MAP2: variants seen among roughly 807,000 people sequenced by gnomAD.
MAP2 encodes the protein microtubule-associated protein 2.
In MAP2, 14 loss-of-function variants were observed where a neutral mutation model predicts 137.6. The observed-to-expected ratio is 0.10, with a 90% CI of 0.07 to 0.16. MAP2 has a LOEUF of 0.16. Ranked by LOEUF, MAP2 falls within the 10% of genes least tolerant of loss-of-function variation. The pLI, the probability that MAP2 is intolerant of heterozygous loss-of-function variation, is 1.00. For synonymous variants in MAP2, 786 were observed against 782.3 expected, an observed-to-expected ratio of 1.00 and a Z score of -0.08; for missense variants, 2,088 against 2,191.5, an observed-to-expected ratio of 0.95 and a Z score of 0.94.
intron 2 of MAP2, among the ~76,000 whole-genome samples, chr2:209,512,610 T>C (rs1437557755): frequency 6.6e-6 from 1 of 150,558 alleles, no homozygotes; most frequent in African/African-American, 2.4e-5. Flanking sequence ...CAAACACATA[T>C]ATATATAAAA....
At chr2:209,690,478 TA>T in intron 7 of MAP2, 2 of 664,518 alleles carry the variant, frequency 3.0e-6, no homozygotes, top group Non-Finnish European at 2.1e-6. Context: ...AATGGTAAAA[TA>T]AAAAAACAGC....
intron 13 of MAP2, among the ~76,000 whole-genome samples, chr2:209,724,686 A>G (rs1166631864): frequency 2.6e-5 from 4 of 152,218 alleles, no homozygotes; most frequent in Non-Finnish European, 5.9e-5. Context: ...ATTGTCATTG[A>G]AAGTTCATAG....
chr2:209,561,821 T>C (rs766389557), intron 2 of MAP2, among the ~76,000 whole-genome samples: 2 of 152,230 alleles, frequency 1.3e-5, no homozygotes, highest in Non-Finnish European at 2.9e-5. Context: ...TTTTAAAGCT[T>C]TTACAGCTCT....
At chr2:209,642,019 T>C (rs2094071189) in intron 4 of MAP2, among the ~76,000 whole-genome samples, 1 of 152,154 alleles carries the variant, frequency 6.6e-6, no homozygotes, top group Non-Finnish European at 1.5e-5. Context: ...GAACGGATGT[T>C]GGGATTTGAC....
chr2:209,578,497 AT>A (rs1003836146), intron 2 of MAP2, among the ~76,000 whole-genome samples: 1,748 of 146,752 alleles, frequency 0.012, 37 homozygotes, highest in African/African-American at 0.04. Context: ...CTGCCATCAT[AT>A]TTTTTTTTTC....
At chr2:209,464,424 C>G (rs1261835670) in intron 1 of MAP2, among the ~76,000 whole-genome samples, 1 of 152,068 alleles carries the variant, frequency 6.6e-6, no homozygotes, top group Middle Eastern at 3.2e-3. Context: ...TCAAATTATA[C>G]TACTTAATGA....
At chr2:209,567,917 C>T (rs1297010445) in intron 2 of MAP2, among the ~76,000 whole-genome samples, 1 of 151,828 alleles carries the variant, frequency 6.6e-6, no homozygotes, top group Non-Finnish European at 1.5e-5. Context: ...AACAGTACGC[C>T]CACTCTTCAT....
At chr2:209,472,996 A>G (rs911811728) in intron 1 of MAP2, among the ~76,000 whole-genome samples, 2 of 152,174 alleles carry the variant, frequency 1.3e-5, no homozygotes, top group Non-Finnish European at 2.9e-5. Context: ...GATTCTTTCA[A>G]CATCAGACCA....
In MAP2 at chr2:209,460,817, T is replaced by TG. The variant is rs527308690; in HGVS notation, c.-222+36543dup. Among the ~76,000 whole-genome samples the TG allele has an allele frequency of 4.6e-5, 7 of 152,156 alleles. No individual in the cohort carries two copies. In the South Asian group the frequency reaches 1.5e-3, roughly 32 times the overall value. On this transcript the variant is annotated intron_variant, in intron 1 of 15. Transcript: ENST00000682079. ...AGGCCAGAGTACAGTGGCATAATCTTGGCTCACTGCAACCTCTGCCTCCCG... is the reference window on the plus strand; with the variant it reads ...AGGCCAGAGTACAGTGGCATAATCTTGGGCTCACTGCAACCTCTGCCTCCCG...
chr2:209,583,163 A>ATCTATCTG (rs2076908219), intron 3 of MAP2, among the ~76,000 whole-genome samples: 1 of 151,534 alleles, frequency 6.6e-6, no homozygotes, highest in Non-Finnish European at 1.5e-5. Context: ...CTATCTATCT[A>ATCTATCTG]TCTATCTATC....
intron 1 of MAP2, among the ~76,000 whole-genome samples, chr2:209,464,108 T>C (rs1050994437): frequency 5.3e-5 from 8 of 152,114 alleles, no homozygotes; most frequent in African/African-American, 1.7e-4. Context: ...AACAGGTCTG[T>C]CTACAGTAAC....
At chr2:209,499,531 C>T (rs2060137208) in intron 1 of MAP2, among the ~76,000 whole-genome samples, 1 of 152,116 alleles carries the variant, frequency 6.6e-6, no homozygotes, top group Non-Finnish European at 1.5e-5. Flanking sequence ...TAGCAACACC[C>T]CACTCTTCAG....
At chr2:209,672,656 A>G (rs115968577) in intron 5 of MAP2, among the ~76,000 whole-genome samples, 282 of 151,968 alleles carry the variant, frequency 1.9e-3, no homozygotes, top group African/African-American at 6.2e-3. Context: ...AATCATAACA[A>G]TGTCTAAATG....
intron 1 of MAP2, among the ~76,000 whole-genome samples, chr2:209,458,224 A>G (rs1426131464): frequency 6.6e-6 from 1 of 152,168 alleles, no homozygotes. Context: ...AGTCTTCATT[A>G]CACTGTTTGG....
chr2:209,544,094 A>G (rs1369388306), intron 2 of MAP2, among the ~76,000 whole-genome samples: 2 of 152,020 alleles, frequency 1.3e-5, no homozygotes, highest in Non-Finnish European at 2.9e-5. Flanking sequence ...TTAGCCAGGC[A>G]TGGTGGTGGG....
rs116191040 is a variant in MAP2, at chr2:209,607,598, C to T, written c.-106-17455C>T. Among the ~76,000 whole-genome samples the T allele has an allele frequency of 8.7e-3, 1,323 of 152,262 alleles. 11 individuals are homozygous for T. The highest frequency in any genetic ancestry group is 0.017 in the Middle Eastern group (5 of 294). On this transcript the variant is annotated intron_variant, in intron 3 of 15. Coordinates refer to ENST00000682079, the MANE Select transcript of MAP2 (RefSeq NM_001375505.1). ...TACAGGCACCTGCCAACACACCCGG[C>T]TAATTTTTGTGTTTTTAATAAGGAC...
chr2:209,650,411 T>C (rs1473403173), intron 4 of MAP2, among the ~76,000 whole-genome samples: 3 of 152,188 alleles, frequency 2.0e-5, no homozygotes, highest in Non-Finnish European at 4.4e-5. Flanking sequence ...GCATCTCATC[T>C]GAACACTTTA....
At chr2:209,428,381 CTTTT>C (rs58943929) in intron 1 of MAP2, among the ~76,000 whole-genome samples, 65 of 130,994 alleles carry the variant, frequency 5.0e-4, no homozygotes, top group African/African-American at 1.8e-3. Context: ...GGGCAAATTT[CTTTT>C]TTTTTTTTTT....
chr2:209,579,019 A>G (rs2075807190), intron 2 of MAP2, among the ~76,000 whole-genome samples: 1 of 152,182 alleles, frequency 6.6e-6, no homozygotes, highest in Non-Finnish European at 1.5e-5. Flanking sequence ...CTGTAGGAAA[A>G]TATACATAAA....
Sources: gnomAD v4.1 joint callset for allele counts (sites outside exome capture counted in the v4.1 genomes callset) on GRCh38, gnomAD v4.1.1 for gene constraint, MANE v1.5 for transcripts, NCBI Gene and HGNC (gene_info 2026-07-23, HGNC 2026-07-21) for gene names.